The following LRMDA variants were observed in gnomAD, a reference collection of about 807,000 sequenced individuals.
The protein encoded by LRMDA is leucine-rich melanocyte differentiation-associated protein.
In LRMDA, 18 loss-of-function variants were observed where a neutral mutation model predicts 29.8. The observed-to-expected ratio is 0.60, with a 90% CI of 0.42 to 0.90. LRMDA has a LOEUF of 0.90. LRMDA is among the 40% of genes least tolerant of loss of function. The probability of loss-of-function intolerance (pLI) is 0.00; values close to 1 mark genes in which losing one functional copy is unlikely to be tolerated. For missense variants in LRMDA, 273 were observed against 273.9 expected, an observed-to-expected ratio of 1.00 and a Z score of 0.02; for synonymous variants, 125 against 109.4, an observed-to-expected ratio of 1.14 and a Z score of -0.89.
chr10:75,671,492 T>C (rs12262114), intron 2 of LRMDA, among the ~76,000 whole-genome samples: 6,029 of 152,216 alleles, frequency 0.04, 302 homozygotes, highest in African/African-American at 0.12. Context: ...TGCAGGGACA[T>C]GGGTGAAGCT....
intron 6 of LRMDA, among the ~76,000 whole-genome samples, chr10:76,387,958 T>C (rs551427479): frequency 1.3e-5 from 2 of 152,304 alleles, no homozygotes; most frequent in South Asian, 4.1e-4. Flanking sequence ...CATTGTCCTG[T>C]CATCTTTGTG....
intron 2 of LRMDA, among the ~76,000 whole-genome samples, chr10:75,919,683 CTT>C (rs2132387506): frequency 6.6e-6 from 1 of 152,228 alleles, no homozygotes; most frequent in African/African-American, 2.4e-5. Context: ...TTTCTGAAAT[CTT>C]TAGGCATTCT....
chr10:75,753,406 T>C (rs1334224374), intron 2 of LRMDA, among the ~76,000 whole-genome samples: 2 of 152,174 alleles, frequency 1.3e-5, no homozygotes, highest in Admixed American at 1.3e-4. Flanking sequence ...GAAAGTGATT[T>C]GGAGGAAGAG....
chr10:75,579,888 C>T (rs936174146), intron 2 of LRMDA, among the ~76,000 whole-genome samples: 5 of 152,166 alleles, frequency 3.3e-5, no homozygotes, highest in Non-Finnish European at 7.3e-5. Flanking sequence ...ATGCTGAAAA[C>T]TCTCAATAAA....
intron 5 of LRMDA, among the ~76,000 whole-genome samples, chr10:76,244,089 G>T (rs1003660794): frequency 2.0e-5 from 3 of 152,104 alleles, no homozygotes; most frequent in Admixed American, 6.6e-5. Flanking sequence ...ATGGTAGTTT[G>T]GTGCAAGATC....
intron 6 of LRMDA, among the ~76,000 whole-genome samples, chr10:76,338,091 T>A: frequency 6.8e-6 from 1 of 146,880 alleles, no homozygotes. Flanking sequence ...AAAAAACAAT[T>A]CCCAAATGAA....
intron 2 of LRMDA, among the ~76,000 whole-genome samples, chr10:75,564,357 C>A (rs1840342236): frequency 6.6e-6 from 1 of 152,206 alleles, no homozygotes; most frequent in Non-Finnish European, 1.5e-5. Context: ...ATATAATCTC[C>A]TGGTGTGCCG....
intron 5 of LRMDA, among the ~76,000 whole-genome samples, chr10:76,195,847 G>C (rs1851322728): frequency 1.3e-5 from 2 of 152,066 alleles, no homozygotes; most frequent in South Asian, 4.2e-4. Flanking sequence ...TGCTTGGTAG[G>C]GTCATGTGAC....
intron 2 of LRMDA, among the ~76,000 whole-genome samples, chr10:75,498,060 C>A (rs962185326): frequency 6.6e-6 from 1 of 152,174 alleles, no homozygotes; most frequent in Non-Finnish European, 1.5e-5. Context: ...CGTGTCCTCA[C>A]CAACATTTGG....
At chr10:75,810,591 C>T (rs145111016) in intron 2 of LRMDA, among the ~76,000 whole-genome samples, 6 of 152,364 alleles carry the variant, frequency 3.9e-5, no homozygotes, top group East Asian at 3.9e-4. Flanking sequence ...ACCAATTTCA[C>T]ACAACTTGTT....
intron 2 of LRMDA, among the ~76,000 whole-genome samples, chr10:75,562,713 A>T (rs991281812): frequency 1.3e-5 from 2 of 152,062 alleles, no homozygotes; most frequent in African/African-American, 4.8e-5. Flanking sequence ...GAGCTCTTTT[A>T]GGGCAGGCCT....
intron 5 of LRMDA, among the ~76,000 whole-genome samples, chr10:76,307,516 C>T (rs1840573071): frequency 6.6e-6 from 1 of 152,150 alleles, no homozygotes; most frequent in Non-Finnish European, 1.5e-5. Context: ...CTCTGTGGAA[C>T]CACCATGTGA....
chr10:75,631,901 G>A (rs1194406690), intron 2 of LRMDA, among the ~76,000 whole-genome samples: 2 of 152,066 alleles, frequency 1.3e-5, no homozygotes, highest in African/African-American at 2.4e-5. Context: ...CCTTATTCTG[G>A]CATCTGGACA....
intron 2 of LRMDA, chr10:75,782,736 T>G: frequency 7.5e-7 from 1 of 1,341,668 alleles, no homozygotes; most frequent in Non-Finnish European, 9.6e-7. Flanking sequence ...GGGGCGAAAC[T>G]GCAAGCAGAT....
intron 5 of LRMDA, among the ~76,000 whole-genome samples, chr10:76,296,956 G>A (rs554113322): frequency 6.6e-6 from 1 of 152,342 alleles, no homozygotes; most frequent in Non-Finnish European, 1.5e-5. Context: ...GTGCAAAGAA[G>A]TGGCGTGAGA....
chr10:76,005,211 A>G (rs1847629284), intron 2 of LRMDA, among the ~76,000 whole-genome samples: 1 of 152,088 alleles, frequency 6.6e-6, no homozygotes. Context: ...CTCTGTATGT[A>G]TTACTGTACT....
At chr10:76,076,111 A>G (rs566825930) in intron 5 of LRMDA, among the ~76,000 whole-genome samples, 1 of 152,188 alleles carries the variant, frequency 6.6e-6, no homozygotes. Flanking sequence ...TGGGAGGCCG[A>G]GGTGGGTGGG....
intron 2 of LRMDA, among the ~76,000 whole-genome samples, chr10:75,869,132 T>C (rs796510083): frequency 7.2e-5 from 11 of 152,316 alleles, no homozygotes; most frequent in African/African-American, 2.6e-4. Flanking sequence ...CTATGTCATC[T>C]GTTACACTTC....
intron 5 of LRMDA, among the ~76,000 whole-genome samples, chr10:76,160,213 T>C (rs554216830): frequency 1.3e-5 from 2 of 152,124 alleles, no homozygotes; most frequent in East Asian, 3.9e-4. Flanking sequence ...GTCTTTTTTT[T>C]TTTTTTTAAA....
Sources: allele counts gnomAD v4.1 joint callset (sites outside exome capture counted in the v4.1 genomes callset), GRCh38; gene constraint gnomAD v4.1.1; transcripts MANE v1.5; gene names NCBI Gene and HGNC (gene_info 2026-07-23, HGNC 2026-07-21).